The following RPS6KA2 variants were observed in gnomAD, a reference collection of about 807,000 sequenced individuals.
RPS6KA2 encodes ribosomal protein S6 kinase A2.
In RPS6KA2, 42 loss-of-function variants were observed where a neutral mutation model predicts 91.8. The ratio of observed to expected loss-of-function variants is 0.46; its 90% CI spans 0.36 to 0.59. The LOEUF is 0.59. Among genes scored for constraint, RPS6KA2 ranks in the 20% least tolerant of loss-of-function variants. The probability of loss-of-function intolerance (pLI) is 0.00; values close to 1 mark genes in which losing one functional copy is unlikely to be tolerated. For missense variants in RPS6KA2, 798 were observed against 978.5 expected (o/e 0.82, Z 2.46); for synonymous variants, 414 against 393.6 (o/e 1.05, Z -0.61).
chr6:166,719,595 C>G (rs1454033612), intron 2 of RPS6KA2, among the ~76,000 whole-genome samples: 1 of 152,120 alleles, frequency 6.6e-6, no homozygotes, highest in Non-Finnish European at 1.5e-5. Context: ...TTCTTAAACC[C>G]CACAATGGAT....
At chr6:166,468,856 T>TAAAA (rs1554277712) in intron 11 of RPS6KA2, among the ~76,000 whole-genome samples, 2 of 112,184 alleles carry the variant, frequency 1.8e-5, no homozygotes, top group South Asian at 2.7e-4. Context: ...AGAGCGAGAC[T>TAAAA]AAAAAAAAAA....
chr6:166,653,330 G>C lies in RPS6KA2; in HGVS notation c.124-114546C>G, dbSNP rs188433638. Among the ~76,000 whole-genome samples the C allele has an allele frequency of 3.5e-4, 53 of 152,342 alleles. No individual in the cohort carries two copies. In the East Asian group the frequency reaches 0.01, roughly 29 times the overall value. ...CCCGCCTCAGCCTCCCAAAGTGCTG[G>C]GATTACAGGCGTGAGCCGCCCTGCC... On this transcript the variant is annotated intron_variant, in intron 2 of 21. Coordinates refer to the RPS6KA2 transcript ENST00000503859.
intron 10 of RPS6KA2, among the ~76,000 whole-genome samples, chr6:166,482,335 T>C (rs1469627723): frequency 6.6e-6 from 1 of 152,230 alleles, no homozygotes; most frequent in African/African-American, 2.4e-5. Flanking sequence ...CAGGAAATTC[T>C]GCCTCAGCTA....
rs867702403 is a variant in RPS6KA2, at chr6:166,640,453, G to A, written c.124-101669C>T. On this transcript the variant is annotated intron_variant, in intron 2 of 21. Transcript: ENST00000503859. ...CCCGTGTGGCAGCCCCGGGAGAGGCGCGCCCTGTGGTGCGGTCTCCTCCTC... is the reference window on the plus strand; with the variant it reads ...CCCGTGTGGCAGCCCCGGGAGAGGCACGCCCTGTGGTGCGGTCTCCTCCTC... Among the ~76,000 whole-genome samples, 4 of 152,324 alleles carry A rather than the reference G, an allele frequency of 2.6e-5. No individual in the cohort carries two copies. In the South Asian group the frequency reaches 6.2e-4, roughly 24 times the overall value.
chr6:166,601,212 G>A (rs1334704837), intron 1 of RPS6KA2, among the ~76,000 whole-genome samples: 1 of 152,246 alleles, frequency 6.6e-6, no homozygotes, highest in Non-Finnish European at 1.5e-5. Context: ...TTGCAAGCAA[G>A]TTATATACTA....
intron 2 of RPS6KA2, among the ~76,000 whole-genome samples, chr6:166,824,189 C>T (rs954801290): frequency 6.6e-6 from 1 of 152,208 alleles, no homozygotes; most frequent in East Asian, 1.9e-4. Context: ...CACATGTACC[C>T]GAGGTGTCAT....
At position 166,626,696 on chromosome 6, in the gene RPS6KA2, G is replaced by A. The variant is rs1179478251; in HGVS notation, c.99+225C>T. On this transcript the variant is annotated intron_variant, in intron 1 of 20. Transcript: ENST00000265678. This position sits in a 1 kb window ranked among gnomAD's most constrained non-coding sequence, Gnocchi z 4.1. Reference sequence around the variant, plus strand: ...GAGAAACCAGCTGGAAATGCAGTGGGGGTGGAGTTGCCCCCGCGAGGACCC... The same window carrying A: ...GAGAAACCAGCTGGAAATGCAGTGGAGGTGGAGTTGCCCCCGCGAGGACCC... 6.6e-6 allele frequency among the ~76,000 whole-genome samples: 1 copy of A among 152,242 alleles called. No individual in the cohort carries two copies. The highest frequency in any genetic ancestry group is 1.5e-5 in the Non-Finnish European group (1 of 68,038).
Position 166,435,981 on chromosome 6 carries a change from A to G in RPS6KA2, c.1333-3491T>C, listed in dbSNP as rs1053889689. On this transcript the variant is annotated intron_variant, in intron 14 of 20. Transcript: ENST00000265678. The surrounding 1 kb of genome is among the most constrained non-coding windows in gnomAD (Gnocchi z 4.3). ...TTGCAGGAGCTCCCTGGGCCTCTCT[A>G]CACCTAGCTTTCTTCATCTGTAAAA... Among the ~76,000 whole-genome samples the G allele has an allele frequency of 2.0e-5, 3 of 152,174 alleles. No individual in the cohort carries two copies. The highest frequency in any genetic ancestry group is 4.4e-5 in the Non-Finnish European group (3 of 68,020).
intron 2 of RPS6KA2, among the ~76,000 whole-genome samples, chr6:166,658,206 A>G (rs1350560496): frequency 6.6e-6 from 1 of 151,976 alleles, no homozygotes; most frequent in African/African-American, 2.4e-5. Context: ...CCTGGGCGTG[A>G]TTTGTGTTGG....
chr6:166,586,462 C>T lies in RPS6KA2; in HGVS notation c.99+40459G>A, dbSNP rs62622844. The T allele has an allele frequency of 1.6e-5, 25 of 1,598,434 alleles. 4 individuals are homozygous for T. The African/African-American group carries it at 1.8e-4, about 11-fold the overall frequency. On this transcript the variant is annotated intron_variant, in intron 1 of 20. Coordinates refer to ENST00000265678, the MANE Select transcript of RPS6KA2 (RefSeq NM_021135.6). ...ATCTCTTCAAAATTTGGAACAGCTT[C>T]GGCAGTGTCAGTCATTCTGAAAATC...
At chr6:166,713,623 G>A (rs534889746) in intron 2 of RPS6KA2, among the ~76,000 whole-genome samples, 141 of 152,342 alleles carry the variant, frequency 9.3e-4, no homozygotes, top group African/African-American at 3.2e-3. Context: ...GAAAACACAT[G>A]AAGAACAAAC....
chr6:166,534,829 G>C (rs1013072303), intron 2 of RPS6KA2, among the ~76,000 whole-genome samples: 4 of 152,264 alleles, frequency 2.6e-5, no homozygotes, highest in Non-Finnish European at 5.9e-5. Flanking sequence ...AATTCCTGCA[G>C]CAGGTGCTGC....
chr6:166,450,260 T>A, intron 13 of RPS6KA2, among the ~76,000 whole-genome samples: 1 of 124,688 alleles, frequency 8.0e-6, no homozygotes, highest in African/African-American at 3.1e-5. Flanking sequence ...GGGACCACCA[T>A]AGGAGACCAT....
intron 2 of RPS6KA2, chr6:166,702,370 A>C: frequency 6.2e-7 from 1 of 1,609,764 alleles, no homozygotes; most frequent in Non-Finnish European, 8.5e-7. Flanking sequence ...CATCAGGGAT[A>C]TAGGCTACTT....
At chr6:166,569,143 C>A (rs370422943) in intron 1 of RPS6KA2, among the ~76,000 whole-genome samples, 49 of 151,648 alleles carry the variant, frequency 3.2e-4, no homozygotes, top group African/African-American at 1.1e-3. Context: ...CAAGCATGTC[C>A]CGTATAATTA....
chr6:166,694,707 G>A (rs1157399621), intron 2 of RPS6KA2, among the ~76,000 whole-genome samples: 1 of 152,212 alleles, frequency 6.6e-6, no homozygotes, highest in African/African-American at 2.4e-5. Context: ...GAGTGATTCT[G>A]TGCCTCTAGT....
intron 2 of RPS6KA2, among the ~76,000 whole-genome samples, chr6:166,740,657 CTT>C (rs1014847267): frequency 6.6e-6 from 1 of 152,216 alleles, no homozygotes; most frequent in Non-Finnish European, 1.5e-5. Flanking sequence ...ATAGAAAACT[CTT>C]TGAAGATGTT....
In RPS6KA2 at chr6:166,614,062, G is replaced by A. The variant is rs566185620; in HGVS notation, c.99+12859C>T. ...CCAGGCTTGAGCCACATCTCCCCCA[G>A]AAACTCTGCCCCACACCCTCTAGGG... is the stretch of plus-strand genomic sequence containing the variant. On this transcript the variant is annotated intron_variant, in intron 1 of 20. Transcript: ENST00000265678. 7.9e-5 allele frequency among the ~76,000 whole-genome samples: 12 copies of A among 152,296 alleles called. No homozygotes were observed. In the South Asian group the frequency reaches 2.5e-3, roughly 32 times the overall value.
chr6:166,563,839 G>T lies in RPS6KA2; in HGVS notation c.100-25055C>A, dbSNP rs1017964044. Among the ~76,000 whole-genome samples the T allele has an allele frequency of 6.6e-6, 1 of 152,088 alleles. No homozygotes were observed. Among genetic ancestry groups the T allele is most frequent in the Non-Finnish European group, 1.5e-5 (1 of 68,014 alleles). The stretch of plus-strand genomic sequence containing the variant: ...ATAATATTGTTTGCATGAAAAAAAA[G>T]TTTCTCATGTTTGCCATCCATTTAC... On this transcript the variant is annotated intron_variant, in intron 1 of 20. Transcript: ENST00000265678. The surrounding 1 kb of genome is among the most constrained non-coding windows in gnomAD (Gnocchi z 4.1).
Sources: gnomAD v4.1 joint callset for allele counts (sites outside exome capture counted in the v4.1 genomes callset) on GRCh38, gnomAD v4.1.1 for gene constraint, Gnocchi (gnomAD v3.1) non-coding constraint, MANE v1.5 for transcripts, NCBI Gene and HGNC (gene_info 2026-07-23, HGNC 2026-07-21) for gene names.